PTPRD: variants seen among roughly 807,000 people sequenced by gnomAD.
The protein encoded by PTPRD is receptor-type tyrosine-protein phosphatase delta.
In PTPRD, 34 loss-of-function variants were observed where a neutral mutation model predicts 214.5. The ratio of observed to expected loss-of-function variants is 0.16; its 90% CI spans 0.12 to 0.21. The LOEUF (loss-of-function observed/expected upper bound fraction) is 0.21, where lower values mean the gene tolerates loss of function less well. Ranked by LOEUF, PTPRD falls within the 10% of genes least tolerant of loss-of-function variation. PTPRD has a pLI of 1.00. For synonymous variants in PTPRD, 1,128 were observed against 845.7 expected (o/e 1.33, Z -5.79); for missense variants, 2,545 against 2,398.7 (o/e 1.06, Z -1.27).
At chr9:8,895,840 A>G (rs796251002) in intron 11 of PTPRD, among the ~76,000 whole-genome samples, 14 of 152,320 alleles carry the variant, frequency 9.2e-5, no homozygotes, top group African/African-American at 3.4e-4. Context: ...CGAGAAAACT[A>G]TACATTTCAC....
intron 3 of PTPRD, among the ~76,000 whole-genome samples, chr9:10,231,482 T>C (rs1204139890): frequency 3.9e-5 from 6 of 152,076 alleles, no homozygotes; most frequent in East Asian, 1.9e-4. Flanking sequence ...AATTATTGTA[T>C]AGTCTCTGCT....
chr9:10,190,397 AAAAAAAAAAAAAAAAAAAAAAAAC>A (rs1346088396), intron 3 of PTPRD, among the ~76,000 whole-genome samples: 3 of 41,132 alleles, frequency 7.3e-5, no homozygotes, highest in Non-Finnish European at 1.2e-4. Flanking sequence ...AAAAAAAAAA[AAAAAAAAAAAAAAAAAAAAAAAAC>A]AAAAAGTCAA....
chr9:9,065,834 T>C (rs778133850), intron 10 of PTPRD, among the ~76,000 whole-genome samples: 2 of 152,202 alleles, frequency 1.3e-5, no homozygotes, highest in Non-Finnish European at 2.9e-5. Flanking sequence ...CATTAATTAA[T>C]GTAATGTATA....
intron 10 of PTPRD, among the ~76,000 whole-genome samples, chr9:9,161,330 G>A (rs993407143): frequency 1.3e-5 from 2 of 152,054 alleles, no homozygotes; most frequent in Non-Finnish European, 2.9e-5. Context: ...TCAATTGAAA[G>A]TAATATTAAT....
At chr9:10,179,938 A>C (rs1008252763) in intron 3 of PTPRD, among the ~76,000 whole-genome samples, 2 of 152,102 alleles carry the variant, frequency 1.3e-5, no homozygotes, top group Non-Finnish European at 2.9e-5. Flanking sequence ...TATTTCATTG[A>C]AAGGAAGTCT....
At chr9:9,483,315 C>T (rs1372256223) in intron 8 of PTPRD, among the ~76,000 whole-genome samples, 2 of 152,084 alleles carry the variant, frequency 1.3e-5, no homozygotes, top group East Asian at 1.9e-4. Flanking sequence ...AAGTACGTTG[C>T]CCTTATGACA....
chr9:8,441,170 G>T (rs1020879227), intron 34 of PTPRD, among the ~76,000 whole-genome samples: 5 of 152,098 alleles, frequency 3.3e-5, no homozygotes, highest in Admixed American at 3.3e-4. Flanking sequence ...GGTTTCCAGG[G>T]CTGGCTTTTG....
intron 7 of PTPRD, among the ~76,000 whole-genome samples, chr9:9,609,891 CTAATT>C (rs1279859695): frequency 1.3e-5 from 2 of 152,180 alleles, no homozygotes; most frequent in African/African-American, 4.8e-5. Context: ...AAGTAGATAA[CTAATT>C]TATAAAAAAA....
chr9:10,052,536 C>G (rs1295184925), intron 3 of PTPRD, among the ~76,000 whole-genome samples: 1 of 152,092 alleles, frequency 6.6e-6, no homozygotes, highest in Admixed American at 6.6e-5. Context: ...TATTATATTT[C>G]AGGTATTGTA....
intron 12 of PTPRD, among the ~76,000 whole-genome samples, chr9:8,704,545 G>T (rs2098160599): frequency 6.6e-6 from 1 of 152,166 alleles, no homozygotes; most frequent in East Asian, 1.9e-4. Flanking sequence ...CCTTACAGGG[G>T]ATGCATTAAA....
chr9:8,796,233 C>A (rs149832927), intron 11 of PTPRD, among the ~76,000 whole-genome samples: 1 of 152,050 alleles, frequency 6.6e-6, no homozygotes, highest in Non-Finnish European at 1.5e-5. Context: ...TTCTTAATTG[C>A]CAAGTTTTAA....
intron 11 of PTPRD, among the ~76,000 whole-genome samples, chr9:8,885,348 A>T (rs1423286949): frequency 6.6e-6 from 1 of 152,062 alleles, no homozygotes; most frequent in African/African-American, 2.4e-5. Context: ...AAACTGGGAG[A>T]GTCCCTGGCA....
chr9:9,979,713 C>T (rs377603203), intron 4 of PTPRD, among the ~76,000 whole-genome samples: 4 of 152,162 alleles, frequency 2.6e-5, no homozygotes, highest in African/African-American at 4.8e-5. Flanking sequence ...TAAGTAAATT[C>T]TGACTAAAGA....
chr9:9,241,287 T>C (rs1209710068), intron 9 of PTPRD, among the ~76,000 whole-genome samples: 1 of 152,170 alleles, frequency 6.6e-6, no homozygotes, highest in African/African-American at 2.4e-5. Context: ...AGAATGAAAA[T>C]ATTTATTCTT....
intron 7 of PTPRD, among the ~76,000 whole-genome samples, chr9:9,621,710 T>C (rs940806662): frequency 2.6e-5 from 4 of 152,320 alleles, no homozygotes; most frequent in East Asian, 1.9e-4. Context: ...TATTCTTTAA[T>C]ACATTTAGTT....
Position 10,558,165 on chromosome 9 carries a change from G to T in PTPRD, c.-600+54233C>A, listed in dbSNP as rs190405797. ...CCTTTTTGACTCCTTCAGACTTAGT[G>T]CCCCAAAGAACAGAAGATAAAAGTA... On this transcript the variant is annotated intron_variant, in intron 2 of 45. Transcript: ENST00000381196. Among the ~76,000 whole-genome samples, 130 of 152,090 alleles carry T rather than the reference G, an allele frequency of 8.5e-4. 2 individuals carry two copies. Among genetic ancestry groups the T allele is most frequent in the African/African-American group, 3.1e-3 (127 of 41,496 alleles).
chr9:8,774,460 G>C (rs767696916), intron 11 of PTPRD, among the ~76,000 whole-genome samples: 1 of 150,586 alleles, frequency 6.6e-6, no homozygotes, highest in African/African-American at 2.4e-5. Context: ...CTTTGTAAAG[G>C]ATTTTATGAT....
intron 11 of PTPRD, among the ~76,000 whole-genome samples, chr9:8,899,339 G>A (rs189422595): frequency 2.8e-4 from 42 of 152,168 alleles, no homozygotes; most frequent in African/African-American, 9.6e-4. Context: ...CTGTGTTCCC[G>A]TATTTTTAAA....
At chr9:10,268,691 C>T (rs1291265427) in intron 3 of PTPRD, among the ~76,000 whole-genome samples, 2 of 152,270 alleles carry the variant, frequency 1.3e-5, no homozygotes, top group African/African-American at 4.8e-5. Flanking sequence ...GTTTTTAAAT[C>T]CCCTTTCTAG....
Sources: gnomAD v4.1 joint callset for allele counts (sites outside exome capture counted in the v4.1 genomes callset) on GRCh38, gnomAD v4.1.1 for gene constraint, MANE v1.5 for transcripts, NCBI Gene and HGNC (gene_info 2026-07-23, HGNC 2026-07-21) for gene names.